The following SLC30A7 variants were observed in gnomAD, a reference collection of about 807,000 sequenced individuals.
The protein encoded by SLC30A7 is solute carrier family 30 member 7, also known as zinc transporter 7.
A neutral mutation model predicts 46.0 loss-of-function variants in SLC30A7; 35 were observed. The observed-to-expected ratio is 0.76, with a 90% CI of 0.58 to 1.01. The LOEUF (loss-of-function observed/expected upper bound fraction) is 1.01. SLC30A7 is among the 50% of genes least tolerant of loss of function. The pLI, the probability that SLC30A7 is intolerant of heterozygous loss-of-function variation, is 0.00. For synonymous variants in SLC30A7, 147 were observed against 157.8 expected, an observed-to-expected ratio of 0.93 and a Z score of 0.51; for missense variants, 464 against 451.1, an observed-to-expected ratio of 1.03 and a Z score of -0.26.
chr1:100,910,058 C>G (rs1257433590), intron 3 of SLC30A7, among the ~76,000 whole-genome samples: 1 of 152,044 alleles, frequency 6.6e-6, no homozygotes, highest in African/African-American at 2.4e-5. Context: ...GAAATACATA[C>G]TATGTTGGAA....
rs1369428887 is a variant in SLC30A7 at position 100,981,126 on chromosome 1, A to G, written c.*6269A>G. 1 of 151,914 alleles carries G rather than the reference A, an allele frequency of 6.6e-6. No individual in the cohort carries two copies. The highest frequency in any genetic ancestry group is 1.9e-4 in the East Asian group (1 of 5,190). The allele number at this position is 151,914 out of a possible 1,614,324, so 9.4% of individuals were successfully genotyped here. A position where few individuals can be genotyped will look rare whatever the true frequency, so the allele number is the denominator to read the frequency against. On this transcript the variant is annotated 3_prime_UTR_variant, in exon 11 of 11. Transcript: ENST00000357650. ...GAACTTCTACTTTATACTAGCGGGG[A>G]AAATTTTTTTATTTAGAATTTTAAT...
chr1:100,986,658 C>T (rs977615551), downstream of SLC30A7, among the ~76,000 whole-genome samples: 1 of 152,134 alleles, frequency 6.6e-6, no homozygotes, highest in African/African-American at 2.4e-5. Flanking sequence ...GTTTTAACAA[C>T]TTTATACACA....
intron 8 of SLC30A7, among the ~76,000 whole-genome samples, chr1:100,946,401 T>G (rs537311434): frequency 8.8e-4 from 134 of 152,292 alleles, no homozygotes; most frequent in African/African-American, 3.2e-3. Context: ...TTTGCCCATT[T>G]AGTATGATAT....
At chr1:100,909,558 T>C (rs1025419667) in intron 3 of SLC30A7, among the ~76,000 whole-genome samples, 2 of 152,154 alleles carry the variant, frequency 1.3e-5, no homozygotes, top group Admixed American at 1.3e-4. Flanking sequence ...GTTCTAATTC[T>C]AAGACCTACT....
the SLC30A7 span, chr1:100,990,402 C>G: frequency 1.9e-6 from 3 of 1,612,758 alleles, no homozygotes; most frequent in South Asian, 1.1e-5. Context: ...TGGTAAATAT[C>G]TATGTTCAAA....
intron 8 of SLC30A7, among the ~76,000 whole-genome samples, chr1:100,955,488 T>C: frequency 6.6e-6 from 1 of 152,122 alleles, no homozygotes; most frequent in East Asian, 1.9e-4. Context: ...TTTTTATTTA[T>C]GATAGGGAAA....
chr1:100,896,569 G>A lies in SLC30A7; in HGVS notation c.81-1G>A. On this transcript the variant is annotated splice_acceptor_variant, in intron 1 of 10. Transcript: ENST00000357650. LOFTEE classifies it high-confidence loss of function. Reference sequence around the variant, plus strand: ...CTCTTTTCCACGTGTATCATTCCCAGGTCTATACTGTCCGACAAGACTTCC... The same window carrying A: ...CTCTTTTCCACGTGTATCATTCCCAAGTCTATACTGTCCGACAAGACTTCC... The A allele has an allele frequency of 6.2e-7, 1 of 1,613,668 alleles. No individual in the cohort carries two copies. Among genetic ancestry groups the A allele is most frequent in the Non-Finnish European group, 8.5e-7 (1 of 1,179,682 alleles).
chr1:100,902,672 A>G (rs997564514), intron 2 of SLC30A7, among the ~76,000 whole-genome samples: 5 of 152,122 alleles, frequency 3.3e-5, no homozygotes, highest in African/African-American at 1.2e-4. Context: ...TTTTCTAGTA[A>G]TCTTGGACAG....
At chr1:100,963,811 A>C (rs1165735394) in intron 9 of SLC30A7, among the ~76,000 whole-genome samples, 3 of 152,192 alleles carry the variant, frequency 2.0e-5, no homozygotes. Flanking sequence ...GTTCTAGAAC[A>C]TGTGCATTAA....
intron 8 of SLC30A7, among the ~76,000 whole-genome samples, chr1:100,956,221 G>A (rs1655211496): frequency 2.0e-5 from 3 of 151,846 alleles, no homozygotes; most frequent in Non-Finnish European, 2.9e-5. Context: ...TCTACATATT[G>A]TTCTTGAATG....
chr1:100,921,988 C>G (rs554670699), intron 8 of SLC30A7, 147 bp downstream of exon 8: 6 of 729,774 alleles, frequency 8.2e-6, no homozygotes, highest in African/African-American at 2.0e-5. Context: ...GAGTCTCGCT[C>G]TGTCACCCAG....
chr1:100,921,948 T>G, intron 8 of SLC30A7, 107 bp downstream of exon 8: 1 of 925,454 alleles, frequency 1.1e-6, no homozygotes, highest in Non-Finnish European at 1.5e-6. Context: ...TTCCTTTGCT[T>G]GCTTTTTTTT....
At chr1:100,915,240 T>TCTTTCTTTCTTC (rs1652451182) in intron 6 of SLC30A7, among the ~76,000 whole-genome samples, 1 of 146,476 alleles carries the variant, frequency 6.8e-6, no homozygotes, top group Non-Finnish European at 1.5e-5. Context: ...TTTCTTTCTT[T>TCTTTCTTTCTTC]CTTTCTTTCT....
chr1:100,967,575 T>C (rs148307879), intron 10 of SLC30A7, among the ~76,000 whole-genome samples: 73 of 152,310 alleles, frequency 4.8e-4, no homozygotes, highest in Admixed American at 4.5e-3. Flanking sequence ...ATTATATTCC[T>C]CCTGATTTGA....
chr1:100,956,681 T>C (rs781213046), intron 8 of SLC30A7, among the ~76,000 whole-genome samples: 1 of 152,230 alleles, frequency 6.6e-6, no homozygotes, highest in Non-Finnish European at 1.5e-5. Flanking sequence ...ACAAAAGTTA[T>C]TCACACCTAT....
rs1048942342 is a variant in SLC30A7, at chr1:100,975,683, A to T, written c.*826A>T. 3 of 152,330 alleles carry T rather than the reference A, an allele frequency of 2.0e-5. No individual in the cohort carries two copies. The highest frequency in any genetic ancestry group is 7.2e-5 in the African/African-American group (3 of 41,416). The allele number at this position is 152,330 out of a possible 1,614,324, so 9.4% of individuals were successfully genotyped here. ...GCTGCGACTATGGGCGTGTGCCACC[A>T]TGCCCAGCTAATTTTTGCATTTTTA... On this transcript the variant is annotated 3_prime_UTR_variant, in exon 11 of 11. Transcript: ENST00000357650.
In SLC30A7 at chr1:100,974,962, A is replaced by G. The variant is rs980816425; in HGVS notation, c.*105A>G. 4 of 851,636 alleles carry G rather than the reference A, an allele frequency of 4.7e-6. No individual in the cohort carries two copies. Among genetic ancestry groups the G allele is most frequent in the Non-Finnish European group, 3.6e-6 (2 of 550,702 alleles). 52.8% of individuals were successfully genotyped at this position (851,636 alleles called of 1,614,324 possible). Reference sequence around the variant, plus strand: ...TTAAAAGAGAGAAATTATCACTACAACTCCCGAGCACTAAGTAGACGGGGT... The same window carrying G: ...TTAAAAGAGAGAAATTATCACTACAGCTCCCGAGCACTAAGTAGACGGGGT... On this transcript the variant is annotated 3_prime_UTR_variant, in exon 11 of 11. Coordinates refer to ENST00000357650, the MANE Select transcript of SLC30A7 (RefSeq NM_133496.5).
At chr1:100,959,941 A>G (rs1655446350) in intron 8 of SLC30A7, among the ~76,000 whole-genome samples, 1 of 152,188 alleles carries the variant, frequency 6.6e-6, no homozygotes, top group Non-Finnish European at 1.5e-5. Flanking sequence ...TATTGTGGAC[A>G]TGCATAGTAC....
chr1:100,934,903 G>A (rs190186122), intron 8 of SLC30A7, among the ~76,000 whole-genome samples: 6 of 151,958 alleles, frequency 3.9e-5, no homozygotes, highest in Non-Finnish European at 8.8e-5. Flanking sequence ...AACATCTGTG[G>A]GAAGATCGCT....
Sources: gnomAD v4.1 joint callset for allele counts (sites outside exome capture counted in the v4.1 genomes callset) on GRCh38, gnomAD v4.1.1 for gene constraint, MANE v1.5 for transcripts, NCBI Gene and HGNC (gene_info 2026-07-23, HGNC 2026-07-21) for gene names.